DHRS13: variants seen among roughly 807,000 people sequenced by gnomAD.
DHRS13 encodes the protein dehydrogenase/reductase 13.
DHRS13 carries 22 observed loss-of-function variants against 17.9 expected under a neutral mutation model. The ratio of observed to expected loss-of-function variants is 1.23; its 90% CI spans 0.88 to 1.75. The LOEUF (loss-of-function observed/expected upper bound fraction) is 1.75, where lower values mean the gene tolerates loss of function less well. DHRS13 is among the 40% of genes most tolerant of loss of function. The pLI, the probability that DHRS13 is intolerant of heterozygous loss-of-function variation, is 0.00. For synonymous variants in DHRS13, 206 were observed against 220.4 expected (o/e 0.93, Z 0.58); for missense variants, 483 against 519.9 (o/e 0.93, Z 0.69).
At chr17:28,898,946 C>T (rs2039785374) in intron 4 of DHRS13, 54 bp from the exon 5 acceptor site, 3 of 1,495,058 alleles carry the variant, frequency 2.0e-6, no homozygotes, top group Non-Finnish European at 1.8e-6. Flanking sequence ...TGTGTATTTA[C>T]AGTCACAGCT....
At chr17:28,900,891 A>G in intron 4 of DHRS13, 99 bp downstream of exon 4, 7 of 1,291,924 alleles carry the variant, frequency 5.4e-6, no homozygotes, top group Non-Finnish European at 7.4e-6. Flanking sequence ...TCTGTGACTC[A>G]ATGAGGGATG....
chr17:28,902,801 C>A lies in DHRS13; in HGVS notation c.127+17G>T, dbSNP rs758908418. On this transcript the variant is annotated intron_variant, in intron 1 of 4. Coordinates refer to ENST00000378895, the MANE Select transcript of DHRS13 (RefSeq NM_144683.4). The surrounding 1 kb of genome is among the most constrained non-coding windows in gnomAD (Gnocchi z 4.0). ...CGCGCGCCCCGCCAGCTCGCACTCA[C>A]CCGCCTCCGCACTCACCCGTGACCA... is the stretch of plus-strand genomic sequence containing the variant. 7 of 1,513,366 alleles carry A rather than the reference C, an allele frequency of 4.6e-6. No homozygotes were observed. In the East Asian group the frequency reaches 2.0e-4, roughly 43 times the overall value. The allele number at this position is 1,513,366 out of a possible 1,614,324, so 93.7% of individuals were successfully genotyped here. A position where few individuals can be genotyped will look rare whatever the true frequency, so the allele number is the denominator to read the frequency against.
rs367637845 is a variant in DHRS13 at position 28,901,667 on chromosome 17, C to T, written c.247-51G>A. 6.2e-7 allele frequency: 1 copy of T among 1,605,298 alleles called. No homozygotes were observed. Among genetic ancestry groups the T allele is most frequent in the African/African-American group, 1.3e-5 (1 of 74,860 alleles). ...GTCACCAGGCATCTCTCTCCTCTTC[C>T]CTCTCCCCAGGCACCAAATTCTGAG... is the stretch of plus-strand genomic sequence containing the variant. On this transcript the variant is annotated intron_variant, in intron 2 of 4. Coordinates refer to ENST00000378895, the MANE Select transcript of DHRS13 (RefSeq NM_144683.4). This position sits in a 1 kb window ranked among gnomAD's most constrained non-coding sequence, Gnocchi z 4.3.
In DHRS13 at chr17:28,901,883, C is replaced by T; in HGVS notation, c.247-267G>A. 1 of 459,492 alleles carries T rather than the reference C, an allele frequency of 2.2e-6. No homozygotes were observed. The highest frequency in any genetic ancestry group is 3.9e-6 in the Non-Finnish European group (1 of 259,664). 28.5% of individuals were successfully genotyped at this position (459,492 alleles called of 1,614,324 possible). ...TAACAACAGTCCCAATCTCACTGAG[C>T]TTTTGTGAGGATGAAAGGAGTTAAC... On this transcript the variant is annotated intron_variant, in intron 2 of 4. Transcript: ENST00000378895. This position sits in a 1 kb window ranked among gnomAD's most constrained non-coding sequence, Gnocchi z 4.3.
In DHRS13 at chr17:28,901,565, C is replaced by A. The variant is rs765711861; in HGVS notation, c.298G>T (p.Ala100Ser). The A allele has an allele frequency of 6.2e-7, 1 of 1,614,236 alleles. No individual in the cohort carries two copies. Among genetic ancestry groups the A allele is most frequent in the Non-Finnish European group, 8.5e-7 (1 of 1,180,038 alleles). ...GCAGTGGCAAAGGCCCGCACCGAGG[C>A]CAGACTGGCCAAGTCCAAGGCCATG... ...IFMALDLASLASVRAFATAFL... is the reference protein window; with the variant it reads ...IFMALDLASLSSVRAFATAFL... The change falls in exon 3 of 5, where the codon GCC becomes TCC. Residue 100 changes from alanine (A) to serine (S), a missense_variant. Ala to Ser is a moderately conservative substitution (Grantham distance 99). Transcript: ENST00000378895. This position sits in a 1 kb window ranked among gnomAD's most constrained non-coding sequence, Gnocchi z 4.3.
Position 28,899,055 on chromosome 17 carries a change from AC to A in DHRS13, c.683-164del. 8.2e-6 allele frequency: 5 copies of A among 612,084 alleles called. No homozygotes were observed. Among genetic ancestry groups the A allele is most frequent in the Non-Finnish European group, 1.3e-5 (5 of 371,610 alleles). 37.9% of individuals were successfully genotyped at this position (612,084 alleles called of 1,614,324 possible). A position where few individuals can be genotyped will look rare whatever the true frequency, so the allele number is the denominator to read the frequency against. On this transcript the variant is annotated intron_variant, in intron 4 of 4. Coordinates refer to ENST00000378895, the MANE Select transcript of DHRS13 (RefSeq NM_144683.4). The surrounding 1 kb of genome is among the most constrained non-coding windows in gnomAD (Gnocchi z 4.7). Reference sequence around the variant, plus strand: ...TGTCTCTTTAAAAAAAAAAACAACAACAAAAAAAATAGAACAGAGCTAGAAG... The same window carrying A: ...TGTCTCTTTAAAAAAAAAAACAACAAAAAAAAAATAGAACAGAGCTAGAAG...
In DHRS13 at chr17:28,901,239, C is replaced by T. The variant is rs762759248; in HGVS notation, c.433G>A (p.Gly145Ser). 26 of 1,613,986 alleles carry T rather than the reference C, an allele frequency of 1.6e-5. No homozygotes were observed. The highest frequency in any genetic ancestry group is 1.1e-4 in the East Asian group (5 of 44,898). ...FNLLLRVNHIGPFLLTHLLLP... is the reference protein window; with the variant it reads ...FNLLLRVNHISPFLLTHLLLP... ...AGCAGATGTGTCAGCAGAAAGGGAC[C>T]GATATGGTTCACCCGAAGCAGCAGG... is the stretch of plus-strand genomic sequence containing the variant. Residue 145 changes from glycine (G) to serine (S), a missense_variant, in exon 4 of 5, where the codon GGT (glycine) becomes AGT (serine). Gly to Ser is a moderately conservative substitution (Grantham distance 56). Transcript: ENST00000378895. The surrounding 1 kb of genome is among the most constrained non-coding windows in gnomAD (Gnocchi z 4.3).
intron 4 of DHRS13, among the ~76,000 whole-genome samples, chr17:28,900,180 G>A (rs1301941176): frequency 6.6e-6 from 1 of 152,070 alleles, no homozygotes; most frequent in Non-Finnish European, 1.5e-5. Flanking sequence ...CAAAATGCTG[G>A]GATTACAGGT....
chr17:28,898,617 C>T lies in DHRS13; in HGVS notation c.958G>A (p.Glu320Lys). Residue 320 changes from glutamate to lysine, a missense_variant, in exon 5 of 5, where the codon GAA (glutamate) becomes AAA (lysine). Physicochemically the swap from Glu to Lys is moderately conservative, Grantham distance 56. Transcript: ENST00000378895. ...TCAGACTGGGGGTCTTCATCGGGTT[C>T]AGCATCCTCCCCAGGCCCAAGCCCT... is the stretch of plus-strand genomic sequence containing the variant. ...LAGLGPGEDA[E>K]PDEDPQSEDS... 1 of 1,613,664 alleles carries T rather than the reference C, an allele frequency of 6.2e-7. No individual in the cohort carries two copies. Among genetic ancestry groups the T allele is most frequent in the African/African-American group, 1.3e-5 (1 of 75,020 alleles).
At position 28,903,027 on chromosome 17, in the gene DHRS13, G is replaced by A; in HGVS notation, c.-83C>T. On this transcript the variant is annotated 5_prime_UTR_variant, in exon 1 of 5. Transcript: ENST00000378895. The surrounding 1 kb of genome is among the most constrained non-coding windows in gnomAD (Gnocchi z 4.8). ...GCGGCTGCCGATCCGCCCTGCACAG[G>A]CCTGGAACGGCGCCCGGGCGCGTCA... is the stretch of plus-strand genomic sequence containing the variant. 2 of 1,177,774 alleles carry A rather than the reference G, an allele frequency of 1.7e-6. No individual in the cohort carries two copies. The highest frequency in any genetic ancestry group is 2.1e-6 in the Non-Finnish European group (2 of 936,890). 73.0% of individuals were successfully genotyped at this position (1,177,774 alleles called of 1,614,324 possible). A position where few individuals can be genotyped will look rare whatever the true frequency, so the allele number is the denominator to read the frequency against.
In DHRS13 at chr17:28,902,756, C is replaced by A; in HGVS notation, c.128-55G>T. On this transcript the variant is annotated intron_variant, in intron 1 of 4. Transcript: ENST00000378895. The surrounding 1 kb of genome is among the most constrained non-coding windows in gnomAD (Gnocchi z 4.0). ...GCTGAGCCCGGCGGGCCGCTGCTACCGCCGGCCCGGCCTCCTCTCCGCGCG... is the reference window on the plus strand; with the variant it reads ...GCTGAGCCCGGCGGGCCGCTGCTACAGCCGGCCCGGCCTCCTCTCCGCGCG... 1 of 1,396,338 alleles carries A rather than the reference C, an allele frequency of 7.2e-7. No homozygotes were observed. The highest frequency in any genetic ancestry group is 1.5e-5 in the South Asian group (1 of 64,656). The allele number at this position is 1,396,338 out of a possible 1,614,324, so 86.5% of individuals were successfully genotyped here.
In DHRS13 at chr17:28,901,508, G is replaced by C. The variant is rs2039804873; in HGVS notation, c.355C>G (p.Leu119Val). Residue 119 changes from leucine (L) to valine (V), a missense_variant, in exon 3 of 5, where the codon CTC (leucine) becomes GTC (valine). Coordinates refer to ENST00000378895, the MANE Select transcript of DHRS13 (RefSeq NM_144683.4). The surrounding 1 kb of genome is among the most constrained non-coding windows in gnomAD (Gnocchi z 4.3). ...TGCCCCTCACCGGCATTGTGGATGA[G>C]GATGTCCAACCGTGGCTCAGAGCTC... ...FLSSEPRLDI[L>V]IHNAGISSCG... is the part of the protein sequence containing the mutation. The C allele has an allele frequency of 6.2e-7, 1 of 1,614,024 alleles. No individual in the cohort carries two copies. The highest frequency in any genetic ancestry group is 1.3e-5 in the African/African-American group (1 of 74,942).
chr17:28,902,898 A>C lies in DHRS13; in HGVS notation c.47T>G (p.Val16Gly). The change falls in exon 1 of 5, where the codon GTG (valine) becomes GGG (glycine). Residue 16 changes from valine (V) to glycine (G), a missense_variant. Transcript: ENST00000378895. The surrounding 1 kb of genome is among the most constrained non-coding windows in gnomAD (Gnocchi z 4.0). ...LGAGLLLGAY[V>G]LVYYNLVKAP... The stretch of plus-strand genomic sequence containing the variant: ...CTTCACCAGGTTGTAGTAGACAAGC[A>C]CGTAAGCGCCCAGCAGCAACCCCGC... 6.4e-7 allele frequency: 1 copy of C among 1,555,822 alleles called. No homozygotes were observed. Among genetic ancestry groups the C allele is most frequent in the South Asian group, 1.1e-5 (1 of 87,516 alleles).
Position 28,897,924 on chromosome 17 carries a change from T to G in DHRS13, c.*517A>C, listed in dbSNP as rs1567940819. The G allele has an allele frequency of 9.5e-6, 2 of 210,828 alleles. No homozygotes were observed. Among genetic ancestry groups the G allele is most frequent in the Non-Finnish European group, 1.9e-5 (2 of 107,954 alleles). 13.1% of individuals were successfully genotyped at this position (210,828 alleles called of 1,614,324 possible). ...CTGACTCACTTCTCAGCACCCATCT[T>G]ACGGCAGTCGGCCCTGGCCTCAGAC... On this transcript the variant is annotated 3_prime_UTR_variant, in exon 5 of 5. Transcript: ENST00000378895. The surrounding 1 kb of genome is among the most constrained non-coding windows in gnomAD (Gnocchi z 4.4).
Position 28,902,401 on chromosome 17 carries a change from C to T in DHRS13, c.246+182G>A, listed in dbSNP as rs1332538032. Among the ~76,000 whole-genome samples, 3 of 152,244 alleles carry T rather than the reference C, an allele frequency of 2.0e-5. No homozygotes were observed. Among genetic ancestry groups the T allele is most frequent in the African/African-American group, 7.2e-5 (3 of 41,462 alleles). ...TACGGCCTTCAGGAAGCCCCTCCCC[C>T]ACTCGGCTCTGGTGCGCCTTCCTCG... On this transcript the variant is annotated intron_variant, in intron 2 of 4. Coordinates refer to ENST00000378895, the MANE Select transcript of DHRS13 (RefSeq NM_144683.4). This position sits in a 1 kb window ranked among gnomAD's most constrained non-coding sequence, Gnocchi z 4.0.
rs1025432090 is a variant in DHRS13, at chr17:28,898,069, G to A, written c.*372C>T. On this transcript the variant is annotated 3_prime_UTR_variant, in exon 5 of 5. Coordinates refer to ENST00000378895, the MANE Select transcript of DHRS13 (RefSeq NM_144683.4). Reference sequence around the variant, plus strand: ...GGGTAATTTAACTACCTAGCTAGACGGTTGCAAAGGGATCAGTTCACTAAT... The same window carrying A: ...GGGTAATTTAACTACCTAGCTAGACAGTTGCAAAGGGATCAGTTCACTAAT... 2 of 249,782 alleles carry A rather than the reference G, an allele frequency of 8.0e-6. No homozygotes were observed. Among genetic ancestry groups the A allele is most frequent in the Non-Finnish European group, 7.6e-6 (1 of 130,966 alleles). The allele number at this position is 249,782 out of a possible 1,614,324, so 15.5% of individuals were successfully genotyped here. A position where few individuals can be genotyped will look rare whatever the true frequency, so the allele number is the denominator to read the frequency against.
rs371811125 is a variant in DHRS13 at position 28,898,464 on chromosome 17, C to T, written c.1111G>A (p.Glu371Lys). ...KMTHRIQAKV[E>K]PEIQLS The stretch of plus-strand genomic sequence containing the variant: ...GGTTAGGAGAGCTGGATCTCAGGCT[C>T]AACTTTAGCCTGAATTCGGTGCGTC... The change falls in exon 5 of 5, where the codon GAG becomes AAG. Residue 371 changes from glutamate (E) to lysine (K), a missense_variant. By Grantham distance (56) the Glu-to-Lys change is moderately conservative. Coordinates refer to ENST00000378895, the MANE Select transcript of DHRS13 (RefSeq NM_144683.4). 6.4e-7 allele frequency: 1 copy of T among 1,562,354 alleles called. No homozygotes were observed. The highest frequency in any genetic ancestry group is 2.4e-5 in the East Asian group (1 of 41,816).
Position 28,901,276 on chromosome 17 carries a change from A to G in DHRS13, c.396T>C (p.Arg132=), listed in dbSNP as rs34200761. ...NAGISSCGRT[R]EAFNLLLRVN... ...CCCGAAGCAGCAGGTTAAACGCCTC[A>G]CGGGTCCGGCCACAGGAACTGATAC... The change falls in exon 4 of 5, where the codon CGT becomes CGC. Residue 132 remains arginine (R), a synonymous_variant. Transcript: ENST00000378895. This position sits in a 1 kb window ranked among gnomAD's most constrained non-coding sequence, Gnocchi z 4.3. 3.0e-3 allele frequency: 4,811 copies of G among 1,611,894 alleles called. 133 individuals are homozygous for G. In the African/African-American group the frequency reaches 0.056, roughly 19 times the overall value.
chr17:28,900,380 G>A (rs533140390), intron 4 of DHRS13, among the ~76,000 whole-genome samples: 18 of 152,318 alleles, frequency 1.2e-4, no homozygotes, highest in African/African-American at 4.1e-4. Context: ...CATCTCCCCA[G>A]TGAGCCATGT....
Sources: allele counts gnomAD v4.1 joint callset (sites outside exome capture counted in the v4.1 genomes callset), GRCh38; gene constraint gnomAD v4.1.1; non-coding constraint Gnocchi (gnomAD v3.1); transcripts MANE v1.5; gene names NCBI Gene and HGNC (gene_info 2026-07-23, HGNC 2026-07-21).